Variants in PPFIA4 observed in about 807,000 individuals in gnomAD.
PPFIA4 encodes liprin-alpha-4.
In PPFIA4, 98 loss-of-function variants were observed where a neutral mutation model predicts 145.7. The ratio of observed to expected loss-of-function variants is 0.67; its 90% CI spans 0.57 to 0.80. The LOEUF (loss-of-function observed/expected upper bound fraction) is 0.80, where lower values mean the gene tolerates loss of function less well. PPFIA4 is among the 30% of genes least tolerant of loss of function. The probability of loss-of-function intolerance (pLI) is 0.00; values close to 1 mark genes in which losing one functional copy is unlikely to be tolerated. For missense variants in PPFIA4, 1,457 were observed against 1,632.7 expected (o/e 0.89, Z 1.85); for synonymous variants, 628 against 649.6 (o/e 0.97, Z 0.51).
intron 14 of PPFIA4, among the ~76,000 whole-genome samples, 174 bp downstream of exon 14, chr1:203,052,051 C>CA (rs1553257072): frequency 7.3e-6 from 1 of 136,796 alleles, no homozygotes; most frequent in Non-Finnish European, 1.6e-5. Context: ...CTGTGCCCCC[C>CA]CCCCCGCTTG....
Position 203,048,339 on chromosome 1 carries a change from C to A in PPFIA4, c.1224+29C>A, listed in dbSNP as rs1327671458. ...AGGGCACCAGGCCGGGCCCTCAGGCCCCCTCCTTCCCGCAGGACAGGCTCC... is the reference window on the plus strand; with the variant it reads ...AGGGCACCAGGCCGGGCCCTCAGGCACCCTCCTTCCCGCAGGACAGGCTCC... On this transcript the variant is annotated intron_variant, in intron 10 of 29. Coordinates refer to ENST00000295706, the MANE Select transcript of PPFIA4 (RefSeq NM_001304331.2). This position sits in a 1 kb window ranked among gnomAD's most constrained non-coding sequence, Gnocchi z 5.8. 1.9e-6 allele frequency: 3 copies of A among 1,603,534 alleles called. No individual in the cohort carries two copies. Among genetic ancestry groups the A allele is most frequent in the African/African-American group, 2.7e-5 (2 of 74,764 alleles).
rs756731313 is a variant in PPFIA4 at position 203,042,012 on chromosome 1, C to T, written c.235-1385C>T. On this transcript the variant is annotated intron_variant, in intron 2 of 29. Transcript: ENST00000295706. The stretch of plus-strand genomic sequence containing the variant: ...CATGCTCTGGCATCTCTTGTCCCTT[C>T]TGCCCTCCCACAACCCTTCTAGCCC... 2.4e-4 allele frequency among the ~76,000 whole-genome samples: 37 copies of T among 152,292 alleles called. 1 individual carries two copies. Among genetic ancestry groups the T allele is most frequent in the South Asian group, 2.1e-4 (1 of 4,822 alleles).
Position 203,075,945 on chromosome 1 carries a change from C to T in PPFIA4, c.3574+188C>T. The T allele has an allele frequency of 3.2e-6, 2 of 627,904 alleles. No homozygotes were observed. The highest frequency in any genetic ancestry group is 7.6e-5 in the Admixed American group (2 of 26,244). The allele number at this position is 627,904 out of a possible 1,614,324, so 38.9% of individuals were successfully genotyped here. On this transcript the variant is annotated intron_variant, in intron 29 of 29. Transcript: ENST00000295706. The surrounding 1 kb of genome is among the most constrained non-coding windows in gnomAD (Gnocchi z 4.1). ...CTAACCCGCCGCTCTGTGTGTTCTCCCGCGGCTGCCGACTTCTCCCAGCTG... is the reference window on the plus strand; with the variant it reads ...CTAACCCGCCGCTCTGTGTGTTCTCTCGCGGCTGCCGACTTCTCCCAGCTG...
At chr1:203,061,349 C>T in intron 23 of PPFIA4, 1 of 529,056 alleles carries the variant, frequency 1.9e-6, no homozygotes, top group Non-Finnish European at 3.3e-6. Flanking sequence ...AGAGTCTCTG[C>T]CCTTGTGCTT....
chr1:203,056,485 C>G lies in PPFIA4; in HGVS notation c.2217C>G (p.Ala739=), dbSNP rs776979682. The G allele has an allele frequency of 6.2e-7, 1 of 1,613,914 alleles. No individual in the cohort carries two copies. Among genetic ancestry groups the G allele is most frequent in the African/African-American group, 1.3e-5 (1 of 75,034 alleles). Residue 739 remains alanine (A), a synonymous_variant, in exon 18 of 30, where the codon GCC becomes GCG. Coordinates refer to ENST00000295706, the MANE Select transcript of PPFIA4 (RefSeq NM_001304331.2). The stretch of plus-strand genomic sequence containing the variant: ...GGCTAGAGAAGCTTGGCCACCCAGC[C>G]CTGAGCCAGGAAGAAGGCAAGAGGT... ...TLRLEKLGHP[A]LSQEEGKSAL...
At chr1:203,062,644 G>A (rs1661471654) in intron 24 of PPFIA4, among the ~76,000 whole-genome samples, 1 of 152,066 alleles carries the variant, frequency 6.6e-6, no homozygotes, top group Non-Finnish European at 1.5e-5. Flanking sequence ...AATCATTCAT[G>A]CCATAAAACA....
At chr1:203,062,447 T>C (rs534739836) in intron 24 of PPFIA4, among the ~76,000 whole-genome samples, 1 of 114,402 alleles carries the variant, frequency 8.7e-6, no homozygotes, top group East Asian at 2.9e-4. Context: ...ACCACTGCAC[T>C]CCAGCCTGGG....
chr1:203,072,706 C>T (rs924685063), intron 28 of PPFIA4, among the ~76,000 whole-genome samples: 39 of 152,148 alleles, frequency 2.6e-4, no homozygotes, highest in Middle Eastern at 3.2e-3. Context: ...TTTAACAGGG[C>T]GAAAATCCAC....
At chr1:203,061,255 C>G (rs767187181) in intron 23 of PPFIA4, 11 of 585,024 alleles carry the variant, frequency 1.9e-5, no homozygotes, top group Non-Finnish European at 2.7e-5. Flanking sequence ...CAGGAGGTCA[C>G]AAGCTTGCCC....
Position 203,056,163 on chromosome 1 carries a change from C to T in PPFIA4, c.2106+8C>T. On this transcript the variant is annotated splice_region_variant and intron_variant, in intron 17 of 29. Coordinates refer to ENST00000295706, the MANE Select transcript of PPFIA4 (RefSeq NM_001304331.2). ...CATAGGAGGAAGCTGCTGGTGAGTGCTGCCTGATGGCCCAGGTACTAACGG... is the reference window on the plus strand; with the variant it reads ...CATAGGAGGAAGCTGCTGGTGAGTGTTGCCTGATGGCCCAGGTACTAACGG... 1 of 1,613,974 alleles carries T rather than the reference C, an allele frequency of 6.2e-7. No individual in the cohort carries two copies. Among genetic ancestry groups the T allele is most frequent in the East Asian group, 2.2e-5 (1 of 44,882 alleles).
chr1:203,071,170 ATTT>A (rs36050212), intron 27 of PPFIA4, among the ~76,000 whole-genome samples: 179 of 116,604 alleles, frequency 1.5e-3, no homozygotes, highest in Non-Finnish European at 2.3e-3. Flanking sequence ...CAAGACTGCT[ATTT>A]TTTTTTTTTT....
intron 19 of PPFIA4, among the ~76,000 whole-genome samples, chr1:203,058,602 G>A (rs941185063): frequency 6.6e-5 from 10 of 152,308 alleles, no homozygotes; most frequent in African/African-American, 1.9e-4. Flanking sequence ...GGGGGTGACC[G>A]GGACTTAAAA....
At chr1:203,069,216 A>T (rs768863457) in intron 27 of PPFIA4, among the ~76,000 whole-genome samples, 1 of 152,222 alleles carries the variant, frequency 6.6e-6, no homozygotes, top group Non-Finnish European at 1.5e-5. Flanking sequence ...GTCATCTAAG[A>T]ATATATCTAA....
chr1:203,046,457 G>T, intron 9 of PPFIA4, 75 bp downstream of exon 9: 1 of 1,478,234 alleles, frequency 6.8e-7, no homozygotes, highest in Non-Finnish European at 9.0e-7. Context: ...GCAGGGAAGG[G>T]AGCGCGTGGG....
intron 12 of PPFIA4, among the ~76,000 whole-genome samples, chr1:203,049,421 TA>T (rs1660330457): frequency 6.6e-6 from 1 of 152,184 alleles, no homozygotes; most frequent in South Asian, 2.1e-4. Context: ...AGGCCTAGGC[TA>T]GCAGAGCCCT....
rs538336592 is a variant in PPFIA4, at chr1:203,059,895, G to A, written c.2583+44G>A. On this transcript the variant is annotated intron_variant, in intron 21 of 29. Transcript: ENST00000295706. Reference sequence around the variant, plus strand: ...AGTCCACTCAGGGGTCTGGAGGGAAGGATGCTTGGGGTGGGCAGAGGGGTG... The same window carrying A: ...AGTCCACTCAGGGGTCTGGAGGGAAAGATGCTTGGGGTGGGCAGAGGGGTG... The A allele has an allele frequency of 4.7e-6, 7 of 1,488,304 alleles. No homozygotes were observed. In the African/African-American group the frequency reaches 9.6e-5, roughly 21 times the overall value. 92.2% of individuals were successfully genotyped at this position (1,488,304 alleles called of 1,614,324 possible). A position where few individuals can be genotyped will look rare whatever the true frequency, so the allele number is the denominator to read the frequency against.
intron 25 of PPFIA4, among the ~76,000 whole-genome samples, chr1:203,064,909 A>G (rs1198492364): frequency 6.6e-6 from 1 of 152,208 alleles, no homozygotes; most frequent in East Asian, 1.9e-4. Flanking sequence ...GGCAGTTTTT[A>G]GGAAGTCCTT....
Position 203,049,727 on chromosome 1 carries a change from A to G in PPFIA4, c.1471A>G (p.Lys491Glu). 6.3e-7 allele frequency: 1 copy of G among 1,589,612 alleles called. No individual in the cohort carries two copies. Among genetic ancestry groups the G allele is most frequent in the Non-Finnish European group, 8.6e-7 (1 of 1,167,244 alleles). ...EKLRQEVDQLKGRGGPFVDGV... is the reference protein window; with the variant it reads ...EKLRQEVDQLEGRGGPFVDGV... Reference sequence around the variant, plus strand: ...GCTGCGCCAAGAGGTGGACCAGCTGAAGGGCCGAGGGGGGCCGTTTGTGGA... The same window carrying G: ...GCTGCGCCAAGAGGTGGACCAGCTGGAGGGCCGAGGGGGGCCGTTTGTGGA... The change falls in exon 13 of 30, where the codon AAG becomes GAG. Residue 491 changes from lysine to glutamate, a missense_variant. By Grantham distance (56) the Lys-to-Glu change is moderately conservative (BLOSUM62 1). Coordinates refer to ENST00000295706, the MANE Select transcript of PPFIA4 (RefSeq NM_001304331.2).
chr1:203,044,242 C>A, intron 4 of PPFIA4, 137 bp from the exon 5 acceptor site: 2 of 1,160,308 alleles, frequency 1.7e-6, no homozygotes, highest in Non-Finnish European at 1.2e-6. Context: ...TCCTGTTAGG[C>A]TCCCTCCTGC....
Sources: allele counts gnomAD v4.1 joint callset (sites outside exome capture counted in the v4.1 genomes callset), GRCh38; gene constraint gnomAD v4.1.1; non-coding constraint Gnocchi (gnomAD v3.1); transcripts MANE v1.5; gene names NCBI Gene and HGNC (gene_info 2026-07-23, HGNC 2026-07-21).